The following ADAMTS20 variants were observed in gnomAD, a reference collection of about 807,000 sequenced individuals.
ADAMTS20 encodes A disintegrin and metalloproteinase with thrombospondin motifs 20.
In ADAMTS20, 225 loss-of-function variants were observed where a neutral mutation model predicts 260.1. The observed-to-expected ratio is 0.87, with a 90% CI of 0.78 to 0.97. The LOEUF (loss-of-function observed/expected upper bound fraction) is 0.97. ADAMTS20 is among the 50% of genes least tolerant of loss of function. The pLI is 0.00. For synonymous variants in ADAMTS20, 802 were observed against 769.5 expected (o/e 1.04, Z -0.70); for missense variants, 2,400 against 2,337.7 (o/e 1.03, Z -0.55).
chr12:43,495,643 T>C (rs1942667490), intron 4 of ADAMTS20, among the ~76,000 whole-genome samples: 1 of 152,210 alleles, frequency 6.6e-6, no homozygotes, highest in Non-Finnish European at 1.5e-5. Context: ...ACTTACTGAA[T>C]ATCTATTGCC....
chr12:43,390,300 G>C (rs1940570357), intron 29 of ADAMTS20, among the ~76,000 whole-genome samples: 2 of 152,178 alleles, frequency 1.3e-5, no homozygotes, highest in Non-Finnish European at 2.9e-5. Flanking sequence ...TCATAGCTTA[G>C]ATTGAAATTG....
At chr12:43,468,744 A>G in intron 7 of ADAMTS20, 39 bp from the exon 8 acceptor site, 2 of 1,173,110 alleles carry the variant, frequency 1.7e-6, no homozygotes, top group South Asian at 1.3e-5. Context: ...AAAATGGAAA[A>G]CACTACCAAA....
At chr12:43,432,571 A>G in intron 20 of ADAMTS20, 30 bp downstream of exon 20, 1 of 1,607,818 alleles carries the variant, frequency 6.2e-7, no homozygotes, top group Non-Finnish European at 8.5e-7. Flanking sequence ...GAAAGGGGCA[A>G]CTTTTTTTAA....
At chr12:43,453,817 G>A in intron 12 of ADAMTS20, 90 bp downstream of exon 12, 1 of 1,428,716 alleles carries the variant, frequency 7.0e-7, no homozygotes, top group Non-Finnish European at 9.5e-7. Context: ...CTTACGGACT[G>A]ACCTCCAGTT....
chr12:43,373,740 C>T (rs35753468), intron 36 of ADAMTS20, among the ~76,000 whole-genome samples: 3,572 of 129,368 alleles, frequency 0.028, 65 homozygotes, highest in Non-Finnish European at 0.038. Context: ...AGTGCAGTGG[C>T]GCGATCTCGG....
chr12:43,384,243 T>C (rs1007239218), intron 29 of ADAMTS20, among the ~76,000 whole-genome samples: 7 of 152,232 alleles, frequency 4.6e-5, no homozygotes, highest in African/African-American at 1.7e-4. Flanking sequence ...TCAATGACTC[T>C]GTCTTCTACT....
intron 16 of ADAMTS20, among the ~76,000 whole-genome samples, chr12:43,443,558 A>G (rs1281803456): frequency 6.6e-6 from 1 of 152,186 alleles, no homozygotes; most frequent in African/African-American, 2.4e-5. Context: ...AAAATACACG[A>G]GAAAAAAACT....
At chr12:43,460,405 T>A (rs1019189667) in intron 11 of ADAMTS20, among the ~76,000 whole-genome samples, 5 of 152,154 alleles carry the variant, frequency 3.3e-5, no homozygotes, top group African/African-American at 1.2e-4. Context: ...TTATACCTAG[T>A]AGAATGGCCA....
rs760270906 is a variant in ADAMTS20 at position 43,466,759 on chromosome 12, T to C, written c.1260A>G (p.Lys420=). The C allele has an allele frequency of 6.2e-6, 10 of 1,608,258 alleles. No homozygotes were observed. In the Admixed American group the frequency reaches 1.3e-4, roughly 22 times the overall value. Residue 420 remains lysine (K), a synonymous_variant, in exon 9 of 39, where the codon AAA becomes AAG. Coordinates refer to ENST00000389420, the MANE Select transcript of ADAMTS20 (RefSeq NM_025003.5). Reference sequence around the variant, plus strand: ...CATGATACTTTGTAACTTTCATTTCTTTACATCTAGGATTATCATCATGTT... The same window carrying C: ...CATGATACTTTGTAACTTTCATTTCCTTACATCTAGGATTATCATCATGTT... ...GVQHDDNPRC[K]EMKVTKYHVM...
intron 3 of ADAMTS20, among the ~76,000 whole-genome samples, chr12:43,520,198 T>C (rs1467773500): frequency 6.6e-6 from 1 of 152,134 alleles, no homozygotes; most frequent in Non-Finnish European, 1.5e-5. Context: ...GAATCTAAGA[T>C]ATCACTGGTA....
intron 4 of ADAMTS20, among the ~76,000 whole-genome samples, chr12:43,499,222 C>T (rs868590854): frequency 1.3e-5 from 2 of 152,156 alleles, no homozygotes; most frequent in Non-Finnish European, 2.9e-5. Flanking sequence ...AGAACAAAAG[C>T]TTAACACAAA....
At chr12:43,426,788 G>A (rs1941341161) in intron 27 of ADAMTS20, among the ~76,000 whole-genome samples, 1 of 152,152 alleles carries the variant, frequency 6.6e-6, no homozygotes, top group African/African-American at 2.4e-5. Flanking sequence ...ATTTTAGAAA[G>A]ATACTAGTAA....
intron 7 of ADAMTS20, 68 bp downstream of exon 7, chr12:43,490,327 C>A: frequency 5.0e-6 from 4 of 806,036 alleles, no homozygotes; most frequent in Non-Finnish European, 3.7e-6. Context: ...GGAAAATAGC[C>A]TAAACATTAT....
At chr12:43,424,150 C>A (rs1469312512) in intron 28 of ADAMTS20, among the ~76,000 whole-genome samples, 1 of 151,910 alleles carries the variant, frequency 6.6e-6, no homozygotes, top group Non-Finnish European at 1.5e-5. Flanking sequence ...AATAAAGAAC[C>A]ACATAGCTTT....
intron 18 of ADAMTS20, among the ~76,000 whole-genome samples, chr12:43,437,763 C>T (rs1941584198): frequency 1.3e-5 from 2 of 151,994 alleles, no homozygotes; most frequent in African/African-American, 4.8e-5. Flanking sequence ...ATTTAGAAAA[C>T]AGGGAATCTA....
At chr12:43,456,551 C>T (rs895950101) in intron 11 of ADAMTS20, among the ~76,000 whole-genome samples, 3 of 152,130 alleles carry the variant, frequency 2.0e-5, no homozygotes, top group Non-Finnish European at 4.4e-5. Flanking sequence ...GCTTGTTCCT[C>T]GGTGCTGCAA....
intron 4 of ADAMTS20, among the ~76,000 whole-genome samples, chr12:43,496,756 T>C (rs1373540388): frequency 1.3e-5 from 2 of 152,170 alleles, no homozygotes; most frequent in Admixed American, 1.3e-4. Context: ...ACATTTGTTT[T>C]AAAGAACAAA....
rs114460298 is a variant in ADAMTS20 at position 43,378,142 on chromosome 12, G to C, written c.4798-580C>G. Among the ~76,000 whole-genome samples the C allele has an allele frequency of 4.9e-3, 748 of 152,268 alleles. 9 individuals carry two copies. Among genetic ancestry groups the C allele is most frequent in the African/African-American group, 0.016 (678 of 41,556 alleles). ...CTAACTTTAAACAACTAAAACATCTGAACAAAATATATAAAGCAATGGCTT... is the reference window on the plus strand; with the variant it reads ...CTAACTTTAAACAACTAAAACATCTCAACAAAATATATAAAGCAATGGCTT... On this transcript the variant is annotated intron_variant, in intron 31 of 38. Transcript: ENST00000389420.
Position 43,454,175 on chromosome 12 carries a change from T to C in ADAMTS20, c.1615-123A>G, listed in dbSNP as rs1592077564. Reference sequence around the variant, plus strand: ...CTAAACAATTTGAAGCTAGCTGTTATTAATTCAGATTACATTTGAAATGAT... The same window carrying C: ...CTAAACAATTTGAAGCTAGCTGTTACTAATTCAGATTACATTTGAAATGAT... On this transcript the variant is annotated intron_variant, in intron 11 of 38. Coordinates refer to ENST00000389420, the MANE Select transcript of ADAMTS20 (RefSeq NM_025003.5). 3.2e-5 allele frequency: 33 copies of C among 1,045,286 alleles called. No individual in the cohort carries two copies. In the East Asian group the frequency reaches 8.9e-4, roughly 28 times the overall value. The allele number at this position is 1,045,286 out of a possible 1,614,324, so 64.8% of individuals were successfully genotyped here. A position where few individuals can be genotyped will look rare whatever the true frequency, so the allele number is the denominator to read the frequency against.
Sources: gnomAD v4.1 joint callset for allele counts (sites outside exome capture counted in the v4.1 genomes callset) on GRCh38, gnomAD v4.1.1 for gene constraint, MANE v1.5 for transcripts, NCBI Gene and HGNC (gene_info 2026-07-23, HGNC 2026-07-21) for gene names.